ATM: variants seen among roughly 807,000 people sequenced by gnomAD.
ATM encodes ATM serine/threonine kinase.
Under a neutral mutation model 387.0 loss-of-function variants are expected in ATM, and 308 were observed. The observed-to-expected ratio is 0.80, with a 90% CI of 0.73 to 0.87. The LOEUF (loss-of-function observed/expected upper bound fraction) is 0.87, where lower values mean the gene tolerates loss of function less well. ATM is among the 40% of genes least tolerant of loss of function. The pLI is 0.00. For synonymous variants in ATM, 1,156 were observed against 1,187.3 expected (o/e 0.97, Z 0.54); for missense variants, 3,312 against 3,560.9 (o/e 0.93, Z 1.78).
At chr11:108,329,343 G>C in intron 49 of ATM, 105 bp downstream of exon 49, 1 of 1,067,560 alleles carries the variant, frequency 9.4e-7, no homozygotes, top group Non-Finnish European at 1.4e-6. Flanking sequence ...ATAGTTTTGA[G>C]CTCTAAAGGT....
At chr11:108,233,499 G>T (rs1187399719) in intron 4 of ATM, among the ~76,000 whole-genome samples, 1 of 150,976 alleles carries the variant, frequency 6.6e-6, no homozygotes, top group Admixed American at 6.6e-5. Context: ...AGCCCAGGGG[G>T]CAGTGGTTGC....
At position 108,317,103 on chromosome 11, in the gene ATM, T is replaced by A. The variant is rs12807529; in HGVS notation, c.6199-270T>A. Reference sequence around the variant, plus strand: ...TACACACTACCATACCCAGCTATTTTAAAAAAAAAAAAAAATTGTAGAGAC... The same window carrying A: ...TACACACTACCATACCCAGCTATTTAAAAAAAAAAAAAAAATTGTAGAGAC... On this transcript the variant is annotated intron_variant, in intron 42 of 62. Coordinates refer to ENST00000675843, the MANE Select transcript of ATM (RefSeq NM_000051.4). Among the ~76,000 whole-genome samples the A allele has an allele frequency of 1, 149,305 of 149,536 alleles. 74,537 individuals carry two copies. Among genetic ancestry groups the A allele is most frequent in the Middle Eastern group, 1 (284 of 284 alleles).
intron 18 of ATM, 81 bp downstream of exon 18, chr11:108,268,690 A>C: frequency 7.1e-7 from 1 of 1,413,812 alleles, no homozygotes; most frequent in South Asian, 1.2e-5. Context: ...TGTAAGAATC[A>C]CATGGTGTCT....
chr11:108,257,417 G>A (rs2135404277), intron 14 of ATM, 64 bp from the exon 15 acceptor site: 4 of 1,580,174 alleles, frequency 2.5e-6, no homozygotes, highest in African/African-American at 1.3e-5. Context: ...AAAGTACACT[G>A]TAAAAAGCAA....
intron 4 of ATM, among the ~76,000 whole-genome samples, chr11:108,231,175 C>G (rs1478669637): frequency 6.6e-6 from 1 of 152,152 alleles, no homozygotes; most frequent in Non-Finnish European, 1.5e-5. Flanking sequence ...AAACAACCCC[C>G]AAAAATATTT....
Position 108,330,398 on chromosome 11 carries a change from T to G in ATM, c.7492T>G (p.Ser2498Ala), listed in dbSNP as rs754245181. 1 of 1,614,028 alleles carries G rather than the reference T, an allele frequency of 6.2e-7. No individual in the cohort carries two copies. The highest frequency in any genetic ancestry group is 8.5e-7 in the Non-Finnish European group (1 of 1,180,006). Reference sequence around the variant, plus strand: ...CCTCTGGCTTGAAAATTCTGGAGTTTCTGAAGTCAATGGCATGATGAAGGC... The same window carrying G: ...CCTCTGGCTTGAAAATTCTGGAGTTGCTGAAGTCAATGGCATGATGAAGGC... ...CSLWLENSGV[S>A]EVNGMMKRDG... The change falls in exon 50 of 63, where the codon TCT (serine) becomes GCT (alanine). Residue 2498 changes from serine (S) to alanine (A), a missense_variant. Ser to Ala is a moderately conservative substitution (Grantham distance 99, BLOSUM62 1). Transcript: ENST00000675843.
rs786202748 is a variant in ATM, at chr11:108,253,904, A to G, written c.1989A>G (p.Leu663=). 3 of 1,614,096 alleles carry G rather than the reference A, an allele frequency of 1.9e-6. No individual in the cohort carries two copies. Among genetic ancestry groups the G allele is most frequent in the Non-Finnish European group, 2.5e-6 (3 of 1,179,972 alleles). Residue 663 remains leucine (L), a synonymous_variant, in exon 13 of 63, where the codon TTA becomes TTG. Transcript: ENST00000675843. ...CAACTTTTGACAAGATGGACTTTTT[A>G]ACCATTGTGAGAGAATGTGGTATAG... The part of the protein sequence containing the change: ...LQTTFDKMDF[L]TIVRECGIEK...
rs1591314020 is a variant in ATM, at chr11:108,354,825, C to T, written c.8801C>T (p.Thr2934Ile). 6.2e-7 allele frequency: 1 copy of T among 1,613,654 alleles called. No individual in the cohort carries two copies. Among genetic ancestry groups the T allele is most frequent in the Non-Finnish European group, 8.5e-7 (1 of 1,179,626 alleles). ...EGVFRRCCEK[T>I]MEVMRNSQET... ...TTTGACTCTAGATGCTGTGAGAAAA[C>T]CATGGAAGTGATGAGAAACTCTCAG... The change falls in exon 61 of 63, where the codon ACC becomes ATC. Residue 2934 changes from threonine to isoleucine, a missense_variant. Physicochemically the swap from Thr to Ile is moderately conservative, Grantham distance 89. Transcript: ENST00000675843.
intron 43 of ATM, among the ~76,000 whole-genome samples, chr11:108,319,492 C>T (rs915878233): frequency 6.6e-6 from 1 of 152,112 alleles, no homozygotes; most frequent in Non-Finnish European, 1.5e-5. Context: ...TTCAGAGAGG[C>T]CTTTCTTGAT....
chr11:108,285,932 T>C (rs1447387529), intron 26 of ATM, among the ~76,000 whole-genome samples: 1 of 152,216 alleles, frequency 6.6e-6, no homozygotes, highest in Non-Finnish European at 1.5e-5. Context: ...GAATAGGTTT[T>C]GGAGGGAAAA....
chr11:108,308,733 A>C (rs938297856), intron 38 of ATM: 3 of 367,286 alleles, frequency 8.2e-6, no homozygotes, highest in Non-Finnish European at 1.5e-5. Flanking sequence ...AATGTTTTTA[A>C]GCCTAAATGC....
chr11:108,300,016 C>CTCAGTGTCT (rs2083345066), intron 34 of ATM, 131 bp downstream of exon 34: 1 of 884,500 alleles, frequency 1.1e-6, no homozygotes, highest in Non-Finnish European at 1.7e-6. Flanking sequence ...TATGAAAATT[C>CTCAGTGTCT]TTATATTTTT....
At chr11:108,223,610 T>TA in intron 1 of ATM, 1 of 152,378 alleles carries the variant, frequency 6.6e-6, no homozygotes, top group East Asian at 1.9e-4. Flanking sequence ...GGCCGCTCTC[T>TA]ACTGTCTTGT....
At chr11:108,266,364 T>C (rs1157564706) in intron 16 of ATM, among the ~76,000 whole-genome samples, 5 of 151,738 alleles carry the variant, frequency 3.3e-5, no homozygotes, top group Non-Finnish European at 7.4e-5. Context: ...AAATCATCAT[T>C]CTCAGTAAAC....
chr11:108,228,564 T>C (rs767071928), intron 3 of ATM, among the ~76,000 whole-genome samples: 3 of 152,248 alleles, frequency 2.0e-5, no homozygotes, highest in Non-Finnish European at 4.4e-5. Context: ...CTTCAGTGTT[T>C]ATGACAGATT....
At chr11:108,325,248 AG>A (rs1433185782) in intron 45 of ATM, 61 bp from the exon 46 acceptor site, 23 of 907,832 alleles carry the variant, frequency 2.5e-5, no homozygotes, top group Admixed American at 8.5e-5. Flanking sequence ...GAACTTACAT[AG>A]TTTTTTTTTT....
intron 61 of ATM, among the ~76,000 whole-genome samples, chr11:108,361,301 T>G (rs1237765812): frequency 1.5e-5 from 2 of 133,822 alleles, no homozygotes; most frequent in Admixed American, 7.6e-5. Flanking sequence ...TAAAAGAGGA[T>G]ACAAACAAAT....
In ATM at chr11:108,268,380, T is replaced by C. The variant is rs756418769; in HGVS notation, c.2639-30T>C. On this transcript the variant is annotated intron_variant, in intron 17 of 62. Transcript: ENST00000675843. ...TATATATGGCTGTTGTGCCCTTCTC[T>C]TAGTGTTAATGAGTGCTTTTTATTT... is the stretch of plus-strand genomic sequence containing the variant. 1.3e-6 allele frequency: 2 copies of C among 1,597,508 alleles called. No individual in the cohort carries two copies. Among genetic ancestry groups the C allele is most frequent in the Non-Finnish European group, 1.7e-6 (2 of 1,171,592 alleles).
chr11:108,317,531 T>C lies in ATM; in HGVS notation c.6347+10T>C. On this transcript the variant is annotated intron_variant, in intron 43 of 62. Transcript: ENST00000675843. Reference sequence around the variant, plus strand: ...ATTGCACTTCCGTCAGGTAAGAAATTTGACTTGATTTTTTTTTTTTTGCCT... The same window carrying C: ...ATTGCACTTCCGTCAGGTAAGAAATCTGACTTGATTTTTTTTTTTTTGCCT... 6.3e-7 allele frequency: 1 copy of C among 1,597,976 alleles called. No homozygotes were observed. The highest frequency in any genetic ancestry group is 8.5e-7 in the Non-Finnish European group (1 of 1,175,674).
Sources: gnomAD v4.1 joint callset for allele counts (sites outside exome capture counted in the v4.1 genomes callset) on GRCh38, gnomAD v4.1.1 for gene constraint, MANE v1.5 for transcripts, NCBI Gene and HGNC (gene_info 2026-07-23, HGNC 2026-07-21) for gene names.